Variants in ASB8 observed in about 807,000 individuals in gnomAD.
The protein encoded by ASB8 is ankyrin repeat and SOCS box protein 8.
A neutral mutation model predicts 22.9 loss-of-function variants in ASB8; 15 were observed. That is an observed-to-expected ratio of 0.66 (90% confidence interval 0.44 to 1.01). The LOEUF is 1.01. Ranked by LOEUF, ASB8 falls within the 50% of genes least tolerant of loss-of-function variation. ASB8 has a pLI of 0.00. For synonymous variants in ASB8, 124 were observed against 140.8 expected (o/e 0.88, Z 0.84); for missense variants, 294 against 356.9 (o/e 0.82, Z 1.42).
rs767907656 is a variant in ASB8 at position 48,149,873 on chromosome 12, G to T, written c.360C>A (p.Thr120=). 1.2e-6 allele frequency: 2 copies of T among 1,614,142 alleles called. No homozygotes were observed. Among genetic ancestry groups the T allele is most frequent in the Admixed American group, 1.7e-5 (1 of 60,004 alleles). Residue 120 remains threonine (T), a synonymous_variant, in exon 4 of 4, where the codon ACC becomes ACA. Transcript: ENST00000317697. ...TCTTAAAGGCTGCCCAGTGAAGTGGGGTATCTCTGTTGCCATCCAAAGCAT... is the reference window on the plus strand; with the variant it reads ...TCTTAAAGGCTGCCCAGTGAAGTGGTGTATCTCTGTTGCCATCCAAAGCAT... ...NPNALDGNRD[T]PLHWAAFKNN...
Position 48,149,323 on chromosome 12 carries a change from T to C in ASB8, c.*43A>G. 6.4e-7 allele frequency: 1 copy of C among 1,572,616 alleles called. No homozygotes were observed. The highest frequency in any genetic ancestry group is 8.7e-7 in the Non-Finnish European group (1 of 1,152,922). ...GACAAGGAGTACTGCAGGGACAACC[T>C]CACCCAGAGCTGCCTGCACGATGGT... is the stretch of plus-strand genomic sequence containing the variant. On this transcript the variant is annotated 3_prime_UTR_variant, in exon 4 of 4. Coordinates refer to ENST00000317697, the MANE Select transcript of ASB8 (RefSeq NM_024095.5).
Position 48,152,150 on chromosome 12 carries a change from C to CAA in ASB8, c.130-847_130-846dup, listed in dbSNP as rs61131844. On this transcript the variant is annotated intron_variant, in intron 2 of 3. Transcript: ENST00000317697. ...CTGGGCGACGAGCGAAACTCCGTCT[C>CAA]AAAAAAAAAAAAAAAATCAAGGGAG... Among the ~76,000 whole-genome samples the CAA allele has an allele frequency of 1.1e-3, 145 of 127,866 alleles. 1 individual carries two copies. The highest frequency in any genetic ancestry group is 4.2e-3 in the Middle Eastern group (1 of 236). The allele number at this position is 127,866 out of a possible 152,430, so 83.9% of individuals were successfully genotyped here. A position where few individuals can be genotyped will look rare whatever the true frequency, so the allele number is the denominator to read the frequency against.
rs1179490980 is a variant in ASB8 at position 48,147,917 on chromosome 12, CCAAT to C, written c.*1445_*1448del. ...AGATTCCATTCATTGTTTGTAGTTC[CCAAT>C]CAGCTTTAAAAAAAAAAGTTTTTCA... On this transcript the variant is annotated 3_prime_UTR_variant, in exon 4 of 4. Transcript: ENST00000317697. 2.0e-5 allele frequency: 3 copies of C among 151,876 alleles called. No homozygotes were observed. The East Asian group carries it at 5.8e-4, about 29-fold the overall frequency. The allele number at this position is 151,876 out of a possible 1,614,324, so 9.4% of individuals were successfully genotyped here.
intron 2 of ASB8, 104 bp downstream of exon 2, chr12:48,153,264 C>A: frequency 1.4e-6 from 2 of 1,425,488 alleles, no homozygotes; most frequent in South Asian, 1.2e-5. Context: ...AATGTAAAAA[C>A]TCCCTGTGAT....
chr12:48,148,581 A>G lies in ASB8; in HGVS notation c.*785T>C, dbSNP rs1022631539. On this transcript the variant is annotated 3_prime_UTR_variant, in exon 4 of 4. Transcript: ENST00000317697. ...GATCTGCACCATTTGAGGTTATAGT[A>G]TCTTCATCTTTGGGACACAATTGCT... The G allele has an allele frequency of 1.4e-5, 2 of 147,748 alleles. No individual in the cohort carries two copies. The highest frequency in any genetic ancestry group is 2.5e-5 in the African/African-American group (1 of 39,454). The allele number at this position is 147,748 out of a possible 1,614,324, so 9.2% of individuals were successfully genotyped here.
chr12:48,149,428 C>G lies in ASB8; in HGVS notation c.805G>C (p.Asp269His). The G allele has an allele frequency of 1.2e-6, 2 of 1,613,962 alleles. No homozygotes were observed. ...GGCAGTGGAAGGCCCTTCACTGCAT[C>G]GGGGAGATACTGGAGTCCCAGGCTA... The part of the protein sequence containing the change: ...RRSLGLQYLP[D>H]AVKGLPLPAS... Residue 269 changes from aspartate to histidine, a missense_variant, in exon 4 of 4, where the codon GAT (aspartate) becomes CAT (histidine). Transcript: ENST00000317697.
Position 48,149,009 on chromosome 12 carries a change from C to A in ASB8, c.*357G>T. The stretch of plus-strand genomic sequence containing the variant: ...ATTCTTCTGGACCGTTAACCACGTC[C>A]CCAAAGGAAAACCACACACACATTA... On this transcript the variant is annotated 3_prime_UTR_variant, in exon 4 of 4. Coordinates refer to ENST00000317697, the MANE Select transcript of ASB8 (RefSeq NM_024095.5). 3.9e-6 allele frequency: 1 copy of A among 254,306 alleles called. No homozygotes were observed. The highest frequency in any genetic ancestry group is 5.1e-5 in the South Asian group (1 of 19,572). 15.8% of individuals were successfully genotyped at this position (254,306 alleles called of 1,614,324 possible). A position where few individuals can be genotyped will look rare whatever the true frequency, so the allele number is the denominator to read the frequency against.
Position 48,153,536 on chromosome 12 carries a change from CAA to C in ASB8, c.-33-9_-33-8del. On this transcript the variant is annotated splice_region_variant and splice_polypyrimidine_tract_variant and intron_variant, in intron 1 of 3. Transcript: ENST00000317697. Reference sequence around the variant, plus strand: ...TTCACATGCTCCAAACTGCCTGAAACAAAGAAGTTTTCGGCATATACAATATC... The same window carrying C: ...TTCACATGCTCCAAACTGCCTGAAACAGAAGTTTTCGGCATATACAATATC... 2.5e-6 allele frequency: 4 copies of C among 1,608,906 alleles called. No individual in the cohort carries two copies. Among genetic ancestry groups the C allele is most frequent in the Admixed American group, 1.7e-5 (1 of 59,936 alleles).
In ASB8 at chr12:48,148,760, T is replaced by G. The variant is rs1244641854; in HGVS notation, c.*606A>C. On this transcript the variant is annotated 3_prime_UTR_variant, in exon 4 of 4. Transcript: ENST00000317697. ...CTCACTGCAACCTCTGCCTCACAGG[T>G]TCAAGCGATTCTTCTGTCTCAGCCT... The G allele has an allele frequency of 2.1e-5, 3 of 146,114 alleles. No homozygotes were observed. The highest frequency in any genetic ancestry group is 5.1e-5 in the African/African-American group (2 of 38,850). The allele number at this position is 146,114 out of a possible 1,614,324, so 9.1% of individuals were successfully genotyped here.
intron 1 of ASB8, among the ~76,000 whole-genome samples, chr12:48,156,133 A>G (rs952924636): frequency 6.6e-6 from 1 of 151,990 alleles, no homozygotes; most frequent in Non-Finnish European, 1.5e-5. Flanking sequence ...ATAAATTCTG[A>G]TAGTTTCTAT....
At chr12:48,151,651 T>A in intron 2 of ASB8, 1 of 1,362,896 alleles carries the variant, frequency 7.3e-7, no homozygotes, top group South Asian at 1.2e-5. Context: ...ATCCACTTTC[T>A]ATGGCCACCA....
chr12:48,155,735 A>AT (rs201211432), intron 1 of ASB8, among the ~76,000 whole-genome samples: 2,887 of 115,544 alleles, frequency 0.025, 62 homozygotes, highest in African/African-American at 0.051. Flanking sequence ...ATCTCAAAAA[A>AT]AAAAAAAATA....
chr12:48,156,406 A>C (rs1951305743), intron 1 of ASB8, among the ~76,000 whole-genome samples: 1 of 152,136 alleles, frequency 6.6e-6, no homozygotes, highest in Admixed American at 6.6e-5. Flanking sequence ...AGGAAAAAAA[A>C]AGACAAGTGC....
intron 1 of ASB8, among the ~76,000 whole-genome samples, chr12:48,156,247 G>A (rs755811671): frequency 3.9e-5 from 6 of 152,098 alleles, no homozygotes; most frequent in South Asian, 2.1e-4. Context: ...TTTTTCTCCC[G>A]TTATCATGCA....
At position 48,149,113 on chromosome 12, in the gene ASB8, C is replaced by T; in HGVS notation, c.*253G>A. The T allele has an allele frequency of 1.9e-6, 1 of 520,614 alleles. No individual in the cohort carries two copies. The highest frequency in any genetic ancestry group is 3.4e-6 in the Non-Finnish European group (1 of 295,276). The allele number at this position is 520,614 out of a possible 1,614,324, so 32.2% of individuals were successfully genotyped here. A position where few individuals can be genotyped will look rare whatever the true frequency, so the allele number is the denominator to read the frequency against. On this transcript the variant is annotated 3_prime_UTR_variant, in exon 4 of 4. Coordinates refer to ENST00000317697, the MANE Select transcript of ASB8 (RefSeq NM_024095.5). ...CCTAAAGGGGAGGATTGAGGGAGAC[C>T]TCTTCTTTTGCAAAATGCAATATAA...
At position 48,149,597 on chromosome 12, in the gene ASB8, G is replaced by A; in HGVS notation, c.636C>T (p.His212=). 1.9e-6 allele frequency: 3 copies of A among 1,614,140 alleles called. No individual in the cohort carries two copies. The highest frequency in any genetic ancestry group is 2.5e-6 in the Non-Finnish European group (3 of 1,179,978). The change falls in exon 4 of 4, where the codon CAC becomes CAT. Residue 212 remains histidine (H), a synonymous_variant. Coordinates refer to ENST00000317697, the MANE Select transcript of ASB8 (RefSeq NM_024095.5). ...TCAATTCAAAGTGTCCAACAGCTCT[G>A]TGGAGGAGCTCAAAGCAAGAGTCCT... The part of the protein sequence containing the change: ...EKEDSCFELL[H]RAVGHFELRK...
chr12:48,155,054 G>T (rs530695681), intron 1 of ASB8, among the ~76,000 whole-genome samples: 4 of 152,316 alleles, frequency 2.6e-5, no homozygotes, highest in African/African-American at 9.6e-5. Flanking sequence ...TTCTAGGATG[G>T]AAGAAGAAAA....
chr12:48,148,299 ACT>A lies in ASB8; in HGVS notation c.*1065_*1066del, dbSNP rs1210285707. The A allele has an allele frequency of 6.6e-6, 1 of 152,022 alleles. No homozygotes were observed. The highest frequency in any genetic ancestry group is 1.9e-4 in the East Asian group (1 of 5,202). 9.4% of individuals were successfully genotyped at this position (152,022 alleles called of 1,614,324 possible). ...CTGCCTGGGAATCCCATTAGAACACACTGTTTCTCAGGAAGAGAAAAAGCTGC... is the reference window on the plus strand; with the variant it reads ...CTGCCTGGGAATCCCATTAGAACACAGTTTCTCAGGAAGAGAAAAAGCTGC... On this transcript the variant is annotated 3_prime_UTR_variant, in exon 4 of 4. Coordinates refer to ENST00000317697, the MANE Select transcript of ASB8 (RefSeq NM_024095.5).
At chr12:48,155,742 A>AAATATATATAT (rs371161682) in intron 1 of ASB8, among the ~76,000 whole-genome samples, 17 of 114,950 alleles carry the variant, frequency 1.5e-4, no homozygotes, top group African/African-American at 5.8e-4. Flanking sequence ...AAAAAAAAAA[A>AAATATATATAT]ATATATATAT....
Sources: allele counts gnomAD v4.1 joint callset (sites outside exome capture counted in the v4.1 genomes callset), GRCh38; gene constraint gnomAD v4.1.1; transcripts MANE v1.5; gene names NCBI Gene and HGNC (gene_info 2026-07-23, HGNC 2026-07-21).